RNLS: variants seen among roughly 807,000 people sequenced by gnomAD.
RNLS encodes renalase.
Under a neutral mutation model 39.8 loss-of-function variants are expected in RNLS, and 39 were observed. The observed-to-expected ratio is 0.98, with a 90% confidence interval of 0.76 to 1.28. The LOEUF is 1.28. Ranked by LOEUF, RNLS falls within the 50% of genes most tolerant of loss-of-function variation. RNLS has a pLI of 0.00. For synonymous variants in RNLS, 147 were observed against 150.7 expected, an observed-to-expected ratio of 0.98 and a Z score of 0.18; for missense variants, 410 against 413.3, an observed-to-expected ratio of 0.99 and a Z score of 0.07.
At chr10:88,307,310 G>C (rs751731837) in intron 6 of RNLS, among the ~76,000 whole-genome samples, 20 of 152,156 alleles carry the variant, frequency 1.3e-4, no homozygotes, top group Admixed American at 7.2e-4. Flanking sequence ...AATATTGGAA[G>C]TCCTGGCCCA....
chr10:88,579,594 CAGTT>C (rs1850415097), intron 3 of RNLS, among the ~76,000 whole-genome samples: 1 of 152,108 alleles, frequency 6.6e-6, no homozygotes, highest in African/African-American at 2.4e-5. Flanking sequence ...GCACGCATAT[CAGTT>C]AGTAAGTACC....
At chr10:88,549,810 A>T (rs928708585) in intron 4 of RNLS, among the ~76,000 whole-genome samples, 1 of 152,256 alleles carries the variant, frequency 6.6e-6, no homozygotes, top group African/African-American at 2.4e-5. Context: ...CAGAAAAAGA[A>T]GTTGTTTAAT....
chr10:88,221,487 T>A, the RNLS span, among the ~76,000 whole-genome samples: 6 of 152,202 alleles, frequency 3.9e-5, no homozygotes, highest in Non-Finnish European at 8.8e-5. Flanking sequence ...AATATTCCAA[T>A]GAATGGAGTT....
chr10:88,394,510 G>A (rs1803154228), intron 4 of RNLS, among the ~76,000 whole-genome samples: 1 of 152,208 alleles, frequency 6.6e-6, no homozygotes, highest in Non-Finnish European at 1.5e-5. Context: ...TCTCACGCCA[G>A]TTAGAATGGC....
At chr10:88,176,298 C>T in the RNLS span, among the ~76,000 whole-genome samples, 2 of 152,240 alleles carry the variant, frequency 1.3e-5, no homozygotes, top group South Asian at 4.1e-4. Context: ...CCTCAGCCTC[C>T]CAAGTAGCTG....
At chr10:88,216,561 A>G in the RNLS span, among the ~76,000 whole-genome samples, 1 of 152,202 alleles carries the variant, frequency 6.6e-6, no homozygotes, top group Admixed American at 6.5e-5. Flanking sequence ...TGAGAATGAC[A>G]CTTATTGGAT....
At chr10:88,421,501 G>A (rs935343487) in intron 4 of RNLS, among the ~76,000 whole-genome samples, 3 of 152,238 alleles carry the variant, frequency 2.0e-5, no homozygotes, top group East Asian at 1.9e-4. Flanking sequence ...CTTCTCATAT[G>A]TGTTCATTTC....
At chr10:88,268,541 C>T in the RNLS span, among the ~76,000 whole-genome samples, 1 of 152,106 alleles carries the variant, frequency 6.6e-6, no homozygotes, top group African/African-American at 2.4e-5. Flanking sequence ...ATGACAGTTT[C>T]AAAAATGAAT....
chr10:88,224,329 C>G, the RNLS span, among the ~76,000 whole-genome samples: 1 of 152,174 alleles, frequency 6.6e-6, no homozygotes, highest in Non-Finnish European at 1.5e-5. Context: ...TAAAGCCTCA[C>G]TTCTTAATAC....
chr10:88,338,865 C>G (rs902561546), intron 5 of RNLS, among the ~76,000 whole-genome samples: 1 of 151,830 alleles, frequency 6.6e-6, no homozygotes, highest in Non-Finnish European at 1.5e-5. Flanking sequence ...GGGCTCACGC[C>G]GTTCTCCCGC....
At chr10:88,532,715 A>T (rs1432600526) in intron 4 of RNLS, among the ~76,000 whole-genome samples, 2 of 152,044 alleles carry the variant, frequency 1.3e-5, no homozygotes, top group African/African-American at 4.8e-5. Flanking sequence ...AGTTCTGCAG[A>T]TTGTCTAATA....
intron 6 of RNLS, among the ~76,000 whole-genome samples, chr10:88,307,536 AGTCAAGCCAAGG>A (rs1161621876): frequency 5.3e-5 from 8 of 152,180 alleles, no homozygotes; most frequent in African/African-American, 1.7e-4. Flanking sequence ...TACCAACAAT[AGTCAAGCCAAGG>A]GCCAAATCAG....
intron 4 of RNLS, among the ~76,000 whole-genome samples, chr10:88,517,135 T>C (rs1391759601): frequency 6.6e-6 from 1 of 151,970 alleles, no homozygotes; most frequent in African/African-American, 2.4e-5. Flanking sequence ...AAGATAACCT[T>C]TGAAAGCCTT....
chr10:88,576,733 A>G (rs1850234066), intron 3 of RNLS, among the ~76,000 whole-genome samples: 1 of 152,190 alleles, frequency 6.6e-6, no homozygotes, highest in Non-Finnish European at 1.5e-5. Context: ...GCACAAAAGT[A>G]AAAAGAGAGA....
intron 4 of RNLS, among the ~76,000 whole-genome samples, chr10:88,445,018 A>G (rs928654547): frequency 2.6e-5 from 4 of 152,212 alleles, no homozygotes; most frequent in Admixed American, 1.3e-4. Context: ...ACATAATGTC[A>G]GATTCACCAA....
rs2132618918 is a variant in RNLS at position 88,284,643 on chromosome 10, A to G, written c.*711T>C. 1.0e-6 allele frequency: 1 copy of G among 985,202 alleles called. No homozygotes were observed. The highest frequency in any genetic ancestry group is 4.7e-5 in the South Asian group (1 of 21,286). The allele number at this position is 985,202 out of a possible 1,614,324, so 61.0% of individuals were successfully genotyped here. ...TATAGCAAAAGGTAAGGATCGATAT[A>G]CTTTCTCTCTGTTTCTATTTAATTT... On this transcript the variant is annotated 3_prime_UTR_variant, in exon 7 of 7. Coordinates refer to ENST00000331772, the MANE Select transcript of RNLS (RefSeq NM_001031709.3).
intron 6 of RNLS, among the ~76,000 whole-genome samples, chr10:88,277,106 GA>G (rs1156767226): frequency 6.6e-6 from 1 of 152,134 alleles, no homozygotes; most frequent in African/African-American, 2.4e-5. Flanking sequence ...ACTGGATTAA[GA>G]AAATGTGGCA....
intron 6 of RNLS, among the ~76,000 whole-genome samples, chr10:88,275,292 C>G (rs1195648849): frequency 6.6e-6 from 1 of 152,156 alleles, no homozygotes; most frequent in Non-Finnish European, 1.5e-5. Flanking sequence ...CTTTAAAATA[C>G]TCTTCATAAT....
chr10:88,461,724 ATATAAAGTAGGAGGTAT>A (rs1842941223), intron 4 of RNLS, among the ~76,000 whole-genome samples: 1 of 152,100 alleles, frequency 6.6e-6, no homozygotes, highest in Non-Finnish European at 1.5e-5. Flanking sequence ...AGTACACAAT[ATATAAAGTAGGAGGTAT>A]GTTTGAATAA....
Sources: allele counts gnomAD v4.1 joint callset (sites outside exome capture counted in the v4.1 genomes callset), GRCh38; gene constraint gnomAD v4.1.1; transcripts MANE v1.5; gene names NCBI Gene and HGNC (gene_info 2026-07-23, HGNC 2026-07-21).